FAM76B: variants seen among roughly 807,000 people sequenced by gnomAD.
FAM76B encodes the protein protein FAM76B.
Under a neutral mutation model 51.8 loss-of-function variants are expected in FAM76B, and 16 were observed. That is an observed-to-expected ratio of 0.31 (90% CI 0.21 to 0.47). The LOEUF (loss-of-function observed/expected upper bound fraction) is 0.47. Among genes scored for constraint, FAM76B ranks in the 20% least tolerant of loss-of-function variants. FAM76B has a pLI of 1.00. For missense variants in FAM76B, 342 were observed against 392.6 expected (o/e 0.87, Z 1.09); for synonymous variants, 166 against 129.5 (o/e 1.28, Z -1.91).
chr11:95,776,252 TCA>T (rs1184698889), intron 8 of FAM76B, among the ~76,000 whole-genome samples: 1 of 151,448 alleles, frequency 6.6e-6, no homozygotes, highest in African/African-American at 2.4e-5. Flanking sequence ...GTAAAACTTC[TCA>T]GTTTTCTTTT....
intron 8 of FAM76B, among the ~76,000 whole-genome samples, chr11:95,777,978 G>A: frequency 6.6e-6 from 1 of 151,362 alleles, no homozygotes; most frequent in East Asian, 1.9e-4. Flanking sequence ...ATACATACCA[G>A]GAGCTATAAT....
Position 95,787,551 on chromosome 11 carries a change from T to G in FAM76B, c.207+73A>C, listed in dbSNP as rs150255193. 27 of 1,473,456 alleles carry G rather than the reference T, an allele frequency of 1.8e-5. No homozygotes were observed. In the East Asian group the frequency reaches 2.6e-4, roughly 14 times the overall value. 91.3% of individuals were successfully genotyped at this position (1,473,456 alleles called of 1,614,324 possible). A position where few individuals can be genotyped will look rare whatever the true frequency, so the allele number is the denominator to read the frequency against. ...CACTGTGCCCAGCCAGCAGTACATATTTTTTTAAAAGGTCCAGCTTTATGA... is the reference window on the plus strand; with the variant it reads ...CACTGTGCCCAGCCAGCAGTACATAGTTTTTTAAAAGGTCCAGCTTTATGA... On this transcript the variant is annotated intron_variant, in intron 3 of 9. Transcript: ENST00000358780.
intron 5 of FAM76B, among the ~76,000 whole-genome samples, chr11:95,782,134 T>C (rs1351891165): frequency 6.6e-6 from 1 of 152,202 alleles, no homozygotes; most frequent in Admixed American, 6.5e-5. Flanking sequence ...TGTATTTTCA[T>C]GTTCTTGATT....
At chr11:95,785,842 G>A (rs1972002187) in intron 4 of FAM76B, among the ~76,000 whole-genome samples, 1 of 152,174 alleles carries the variant, frequency 6.6e-6, no homozygotes, top group African/African-American at 2.4e-5. Context: ...AAAGTAAAAG[G>A]AGATATTTAA....
At chr11:95,779,291 AAGC>A in intron 7 of FAM76B, 1 of 575,750 alleles carries the variant, frequency 1.7e-6, no homozygotes, top group South Asian at 2.1e-5. Flanking sequence ...AACATTTTCT[AAGC>A]AGGTCAATTT....
At chr11:95,783,376 A>C in intron 4 of FAM76B, 112 bp from the exon 5 acceptor site, 3 of 767,178 alleles carry the variant, frequency 3.9e-6, no homozygotes, top group Non-Finnish European at 4.2e-6. Flanking sequence ...ACATGCACAA[A>C]TGCATGTATG....
intron 2 of FAM76B, 118 bp downstream of exon 2, chr11:95,788,381 T>A (rs528430651): frequency 2.4e-6 from 2 of 833,206 alleles, no homozygotes; most frequent in South Asian, 3.2e-5. Context: ...AACTTAAAAT[T>A]TCTGGGGCTA....
At chr11:95,788,951 G>A (rs760452971) in intron 1 of FAM76B, 41 of 1,348,056 alleles carry the variant, frequency 3.0e-5, no homozygotes, top group Non-Finnish European at 3.9e-5. Context: ...CGCTTTCCTG[G>A]ACAGGGAAGA....
At position 95,789,642 on chromosome 11, in the gene FAM76B, C is replaced by T; in HGVS notation, c.-164G>A. 1 of 545,596 alleles carries T rather than the reference C, an allele frequency of 1.8e-6. No individual in the cohort carries two copies. The highest frequency in any genetic ancestry group is 3.1e-6 in the Non-Finnish European group (1 of 319,500). The allele number at this position is 545,596 out of a possible 1,614,324, so 33.8% of individuals were successfully genotyped here. A position where few individuals can be genotyped will look rare whatever the true frequency, so the allele number is the denominator to read the frequency against. ...CGAGAGCCCAGGGCCCCGCGGACGA[C>T]GCCACCGTCTCCCTCCGCCTCCACT... is the stretch of plus-strand genomic sequence containing the variant. On this transcript the variant is annotated 5_prime_UTR_variant, in exon 1 of 10. Coordinates refer to ENST00000358780, the MANE Select transcript of FAM76B (RefSeq NM_144664.5).
At chr11:95,786,366 A>T in intron 3 of FAM76B, 92 bp from the exon 4 acceptor site, 1 of 1,427,446 alleles carries the variant, frequency 7.0e-7, no homozygotes, top group Non-Finnish European at 9.3e-7. Context: ...TCTGGAATTA[A>T]GAAAACTCAG....
chr11:95,789,089 C>T lies in FAM76B; in HGVS notation c.87+303G>A, dbSNP rs182204512. ...GATGAAAACATCTCCACCCCTGGGT[C>T]TCTGCGGCATAGACAGGTGGCTGCC... On this transcript the variant is annotated intron_variant, in intron 1 of 9. Transcript: ENST00000358780. 1.3e-4 allele frequency: 181 copies of T among 1,415,628 alleles called. 2 individuals carry two copies. The East Asian group carries it at 4.5e-3, about 36-fold the overall frequency. The allele number at this position is 1,415,628 out of a possible 1,614,324, so 87.7% of individuals were successfully genotyped here. A position where few individuals can be genotyped will look rare whatever the true frequency, so the allele number is the denominator to read the frequency against.
intron 8 of FAM76B, among the ~76,000 whole-genome samples, chr11:95,777,101 T>C (rs1385001746): frequency 6.6e-6 from 1 of 151,374 alleles, no homozygotes; most frequent in Non-Finnish European, 1.5e-5. Flanking sequence ...TATGAACTTC[T>C]GGAAAATAAG....
chr11:95,776,163 A>C (rs1000771455), intron 8 of FAM76B, 140 bp from the exon 9 acceptor site: 11 of 417,218 alleles, frequency 2.6e-5, no homozygotes, highest in African/African-American at 1.9e-4. Flanking sequence ...TGTACAAGCT[A>C]TCTAAAGTTT....
rs1247728976 is a variant in FAM76B at position 95,783,116 on chromosome 11, T to C, written c.512A>G (p.His171Arg). 1 of 1,613,230 alleles carries C rather than the reference T, an allele frequency of 6.2e-7. No individual in the cohort carries two copies. Among genetic ancestry groups the C allele is most frequent in the Non-Finnish European group, 8.5e-7 (1 of 1,179,412 alleles). Residue 171 changes from histidine to arginine, a missense_variant, in exon 5 of 10, where the codon CAT becomes CGT. Transcript: ENST00000358780. ...GTGATGGTGATGATGGTGGTGATGATGTTTTGGATGATGCTGGTCTTTCTC... is the reference window on the plus strand; with the variant it reads ...GTGATGGTGATGATGGTGGTGATGACGTTTTGGATGATGCTGGTCTTTCTC... ...LTEKDQHHPK[H>R]HHHHHHHHHR... is the part of the protein sequence containing the mutation.
chr11:95,784,809 G>A (rs1322318114), intron 4 of FAM76B, among the ~76,000 whole-genome samples: 3 of 151,922 alleles, frequency 2.0e-5, no homozygotes, highest in Non-Finnish European at 2.9e-5. Flanking sequence ...GGATGGTCTC[G>A]ATCTCCTAAC....
chr11:95,786,350 C>T, intron 3 of FAM76B, 76 bp from the exon 4 acceptor site: 1 of 1,463,136 alleles, frequency 6.8e-7, no homozygotes, highest in South Asian at 1.5e-5. Context: ...GTGTTGTAGA[C>T]ATATTTCTGG....
chr11:95,779,062 G>T, intron 7 of FAM76B, 105 bp from the exon 8 acceptor site: 1 of 1,591,972 alleles, frequency 6.3e-7, no homozygotes, highest in Non-Finnish European at 8.5e-7. Flanking sequence ...TAAGGCTAAT[G>T]CAAAAAAATA....
Position 95,781,079 on chromosome 11 carries a change from C to CT in FAM76B, c.564-1154_564-1153insA, listed in dbSNP as rs1242706524. ...AATCCTATTGAGGAATGCAGTTGTC[C>CT]CTTTTTTTTTTTTCCCACAAATTTC... On this transcript the variant is annotated intron_variant, in intron 5 of 9. Coordinates refer to ENST00000358780, the MANE Select transcript of FAM76B (RefSeq NM_144664.5). Among the ~76,000 whole-genome samples the CT allele has an allele frequency of 7.6e-3, 1,061 of 139,876 alleles. 6 individuals carry two copies. Among genetic ancestry groups the CT allele is most frequent in the Admixed American group, 9.8e-3 (137 of 14,036 alleles). 91.8% of individuals were successfully genotyped at this position (139,876 alleles called of 152,430 possible).
At chr11:95,785,033 C>A (rs1167264681) in intron 4 of FAM76B, among the ~76,000 whole-genome samples, 1 of 152,144 alleles carries the variant, frequency 6.6e-6, no homozygotes, top group Non-Finnish European at 1.5e-5. Context: ...ATACAGTACT[C>A]CCCTATCTAC....
Sources: gnomAD v4.1 joint callset for allele counts (sites outside exome capture counted in the v4.1 genomes callset) on GRCh38, gnomAD v4.1.1 for gene constraint, MANE v1.5 for transcripts, NCBI Gene and HGNC (gene_info 2026-07-23, HGNC 2026-07-21) for gene names.